THSD7B: variants seen among roughly 807,000 people sequenced by gnomAD.
THSD7B encodes the protein thrombospondin type 1 domain containing 7B.
THSD7B carries 138 observed loss-of-function variants against 213.6 expected under a neutral mutation model. The ratio of observed to expected loss-of-function variants is 0.65; its 90% CI spans 0.56 to 0.74. THSD7B has a LOEUF of 0.74. Among genes scored for constraint, THSD7B ranks in the 30% least tolerant of loss-of-function variants. The probability of loss-of-function intolerance (pLI) is 0.00; values close to 1 mark genes in which losing one functional copy is unlikely to be tolerated. For synonymous variants in THSD7B, 742 were observed against 687.0 expected (o/e 1.08, Z -1.25); for missense variants, 1,931 against 1,991.5 (o/e 0.97, Z 0.58).
At chr2:136,930,773 G>A (rs903839532) in intron 2 of THSD7B, among the ~76,000 whole-genome samples, 13 of 152,056 alleles carry the variant, frequency 8.5e-5, no homozygotes, top group African/African-American at 3.1e-4. Context: ...TTAAAGAATC[G>A]GCCTGAGCCA....
At chr2:137,191,129 A>G (rs1218044046) in intron 7 of THSD7B, among the ~76,000 whole-genome samples, 1 of 152,192 alleles carries the variant, frequency 6.6e-6, no homozygotes, top group African/African-American at 2.4e-5. Context: ...GGTGCTGATG[A>G]TAACCCCTGC....
chr2:137,148,854 G>C (rs1157539258), intron 5 of THSD7B, among the ~76,000 whole-genome samples: 1 of 152,156 alleles, frequency 6.6e-6, no homozygotes, highest in African/African-American at 2.4e-5. Flanking sequence ...CCATTGAAAA[G>C]AAAACCCCAT....
chr2:136,996,247 G>C (rs1685885651), intron 2 of THSD7B, among the ~76,000 whole-genome samples: 1 of 152,166 alleles, frequency 6.6e-6, no homozygotes, highest in African/African-American at 2.4e-5. Flanking sequence ...AATTGGAAAA[G>C]ACATGGAAAC....
intron 12 of THSD7B, among the ~76,000 whole-genome samples, chr2:137,296,928 C>A (rs72975663): frequency 6.6e-6 from 1 of 152,048 alleles, no homozygotes; most frequent in Non-Finnish European, 1.5e-5. Flanking sequence ...CATCTTCAAA[C>A]TGGGTTCTTT....
intron 15 of THSD7B, among the ~76,000 whole-genome samples, chr2:137,464,735 G>T (rs1217218865): frequency 3.3e-5 from 5 of 152,112 alleles, no homozygotes; most frequent in East Asian, 1.9e-4. Context: ...CTGCTCAATT[G>T]ACTGTTTAAA....
chr2:137,623,956 T>C (rs1682571689), intron 20 of THSD7B, among the ~76,000 whole-genome samples: 1 of 152,226 alleles, frequency 6.6e-6, no homozygotes, highest in Non-Finnish European at 1.5e-5. Flanking sequence ...AACGACTTTC[T>C]TCACAGAATT....
chr2:137,074,847 C>G (rs1048314796), intron 3 of THSD7B, among the ~76,000 whole-genome samples: 1 of 152,126 alleles, frequency 6.6e-6, no homozygotes, highest in Non-Finnish European at 1.5e-5. Context: ...AGTTATGAAG[C>G]TTGGTTTGGC....
intron 15 of THSD7B, among the ~76,000 whole-genome samples, chr2:137,548,895 T>G (rs1250659427): frequency 6.6e-6 from 1 of 152,032 alleles, no homozygotes; most frequent in Non-Finnish European, 1.5e-5. Context: ...TTATATTGAT[T>G]TCCTGGGCAT....
chr2:136,860,898 A>C (rs1652432), intron 1 of THSD7B, among the ~76,000 whole-genome samples: 143,359 of 152,322 alleles, frequency 0.94, 67,728 homozygotes, highest in East Asian at 1. Context: ...TCTATTTCTC[A>C]TGTTGTTCTC....
intron 13 of THSD7B, among the ~76,000 whole-genome samples, chr2:137,406,394 T>A (rs1158656343): frequency 1.3e-5 from 2 of 152,228 alleles, no homozygotes; most frequent in African/African-American, 4.8e-5. Context: ...GGGGCAATTT[T>A]TGCCTGCAGT....
intron 15 of THSD7B, among the ~76,000 whole-genome samples, chr2:137,526,893 T>G (rs1482531818): frequency 6.6e-6 from 1 of 152,112 alleles, no homozygotes; most frequent in East Asian, 1.9e-4. Flanking sequence ...AATTAACACA[T>G]GTACTCAAGA....
chr2:137,252,911 C>CTTTTTTT (rs754932566), intron 10 of THSD7B, among the ~76,000 whole-genome samples: 55 of 80,654 alleles, frequency 6.8e-4, no homozygotes, highest in African/African-American at 9.0e-4. Flanking sequence ...AAAAGGCTTG[C>CTTTTTTT]TTTTTTTTTT....
chr2:137,163,588 A>G (rs943590953), intron 6 of THSD7B, among the ~76,000 whole-genome samples: 8 of 152,250 alleles, frequency 5.3e-5, no homozygotes, highest in African/African-American at 1.9e-4. Context: ...GGCATGGCAC[A>G]GATTCTTCTG....
intron 7 of THSD7B, among the ~76,000 whole-genome samples, chr2:137,176,843 T>C (rs112866846): frequency 0.011 from 1,681 of 152,296 alleles, 37 homozygotes; most frequent in African/African-American, 0.038. Flanking sequence ...TACCTACTCT[T>C]TACCAGGCTC....
At chr2:137,035,057 G>A (rs55869072) in intron 2 of THSD7B, among the ~76,000 whole-genome samples, 76,761 of 152,088 alleles carry the variant, frequency 0.5, 23,547 homozygotes, top group Non-Finnish European at 0.66. Context: ...GCTCTACAAC[G>A]TGCTACAATG....
chr2:137,570,130 C>G (rs1348497643), intron 16 of THSD7B, among the ~76,000 whole-genome samples: 1 of 151,654 alleles, frequency 6.6e-6, no homozygotes, highest in Non-Finnish European at 1.5e-5. Context: ...ATTAAAGTCC[C>G]TATATTAGAA....
At chr2:136,801,320 T>C (rs562042871) in intron 1 of THSD7B, among the ~76,000 whole-genome samples, 2 of 152,208 alleles carry the variant, frequency 1.3e-5, no homozygotes, top group African/African-American at 4.8e-5. Context: ...AGACTTTATC[T>C]AGAATCATTT....
At chr2:136,914,252 A>C (rs775939400) in intron 2 of THSD7B, among the ~76,000 whole-genome samples, 4 of 152,098 alleles carry the variant, frequency 2.6e-5, no homozygotes. Flanking sequence ...AGCTGTATTT[A>C]CCCAATACCT....
In THSD7B at chr2:137,642,595, A is replaced by G; in HGVS notation, c.3907A>G (p.Ser1303Gly). 1 of 1,613,928 alleles carries G rather than the reference A, an allele frequency of 6.2e-7. No individual in the cohort carries two copies. The highest frequency in any genetic ancestry group is 8.5e-7 in the Non-Finnish European group (1 of 1,179,870). The change falls in exon 21 of 28, where the codon AGC becomes GGC. Residue 1303 changes from serine to glycine, a missense_variant. Coordinates refer to ENST00000409968, the MANE Select transcript of THSD7B (RefSeq NM_001316349.2). Reference protein sequence around the residue: ...EKTCPVTPCYSWVLGNWSACK... With the variant: ...EKTCPVTPCYGWVLGNWSACK... ...AACCTGCCCAGTGACCCCCTGCTAC[A>G]GCTGGGTCCTTGGCAACTGGTCTGC... is the stretch of plus-strand genomic sequence containing the variant.
Sources: gnomAD v4.1 joint callset for allele counts (sites outside exome capture counted in the v4.1 genomes callset) on GRCh38, gnomAD v4.1.1 for gene constraint, MANE v1.5 for transcripts, NCBI Gene and HGNC (gene_info 2026-07-23, HGNC 2026-07-21) for gene names.